GCGR: variants seen among roughly 807,000 people sequenced by gnomAD.
GCGR encodes the protein glucagon receptor.
A neutral mutation model predicts 56.1 loss-of-function variants in GCGR; 41 were observed. That is an observed-to-expected ratio of 0.73 (90% CI 0.57 to 0.95). The LOEUF is 0.95. Among genes scored for constraint, GCGR ranks in the 40% least tolerant of loss-of-function variants. GCGR has a pLI of 0.00. For missense variants in GCGR, 595 were observed against 638.2 expected (o/e 0.93, Z 0.73); for synonymous variants, 278 against 271.1 (o/e 1.03, Z -0.25).
Position 81,813,856 on chromosome 17 carries a change from T to C in GCGR, c.*167T>C, listed in dbSNP as rs1209945291. 3.1e-6 allele frequency: 2 copies of C among 641,422 alleles called. No individual in the cohort carries two copies. The highest frequency in any genetic ancestry group is 5.4e-6 in the Non-Finnish European group (2 of 373,410). 39.7% of individuals were successfully genotyped at this position (641,422 alleles called of 1,614,324 possible). A position where few individuals can be genotyped will look rare whatever the true frequency, so the allele number is the denominator to read the frequency against. On this transcript the variant is annotated 3_prime_UTR_variant, in exon 14 of 14. Transcript: ENST00000400723. The surrounding 1 kb of genome is among the most constrained non-coding windows in gnomAD (Gnocchi z 5.3). The stretch of plus-strand genomic sequence containing the variant: ...TCTGCGAGATTGGGCCTCCTCTCCC[T>C]GCACCTGCCTTGTCCCTGGTGCAGA...
rs980081455 is a variant in GCGR at position 81,809,865 on chromosome 17, C to T, written c.144C>T (p.Ser48=). The change falls in exon 3 of 14, where the codon AGC becomes AGT. Residue 48 remains serine, a synonymous_variant. Coordinates refer to ENST00000400723, the MANE Select transcript of GCGR (RefSeq NM_000160.5). ...GTGACCAGTGTCACCACAACCTGAG[C>T]CTGCTGCCCCCTCCCACGGGTGAGC... ...LYGDQCHHNL[S]LLPPPTELVC... 7.2e-5 allele frequency: 111 copies of T among 1,536,296 alleles called. No individual in the cohort carries two copies. Among genetic ancestry groups the T allele is most frequent in the Non-Finnish European group, 9.3e-5 (107 of 1,146,754 alleles).
chr17:81,804,396 C>A lies in GCGR; in HGVS notation c.-178+147C>A. 6.5e-6 allele frequency: 1 copy of A among 152,914 alleles called. No individual in the cohort carries two copies. Among genetic ancestry groups the A allele is most frequent in the South Asian group, 1.8e-4 (1 of 5,472 alleles). 9.5% of individuals were successfully genotyped at this position (152,914 alleles called of 1,614,324 possible). ...CCGGGGTCCGGGCTGGTGCGCTCCT[C>A]AGTCCCGTCAGACACCCCCGTTCCC... On this transcript the variant is annotated intron_variant, in intron 1 of 13. Coordinates refer to ENST00000400723, the MANE Select transcript of GCGR (RefSeq NM_000160.5). This position sits in a 1 kb window ranked among gnomAD's most constrained non-coding sequence, Gnocchi z 8.2.
Position 81,811,069 on chromosome 17 carries a change from C to T in GCGR, c.331C>T (p.Arg111Trp), listed in dbSNP as rs1272192802. ...CGACGGTCAGTGGGTGCGTGGACCCCGGGGGCAGCCTTGGCGTGATGCCTC... is the reference window on the plus strand; with the variant it reads ...CGACGGTCAGTGGGTGCGTGGACCCTGGGGGCAGCCTTGGCGTGATGCCTC... Reference protein sequence around the residue: ...GPDGQWVRGPRGQPWRDASQC... With the variant: ...GPDGQWVRGPWGQPWRDASQC... Residue 111 changes from arginine to tryptophan, a missense_variant, in exon 5 of 14, where the codon CGG becomes TGG. Arg to Trp is a moderately radical substitution (Grantham distance 101). Transcript: ENST00000400723. The surrounding 1 kb of genome is among the most constrained non-coding windows in gnomAD (Gnocchi z 5.8). 13 of 1,536,026 alleles carry T rather than the reference C, an allele frequency of 8.5e-6. No homozygotes were observed. Among genetic ancestry groups the T allele is most frequent in the African/African-American group, 5.5e-5 (4 of 73,026 alleles).
chr17:81,804,369 C>A lies in GCGR; in HGVS notation c.-178+120C>A. 2 of 152,758 alleles carry A rather than the reference C, an allele frequency of 1.3e-5. No homozygotes were observed. The highest frequency in any genetic ancestry group is 3.6e-4 in the South Asian group (2 of 5,534). 9.5% of individuals were successfully genotyped at this position (152,758 alleles called of 1,614,324 possible). ...GGGAGCGGGGAGCCGGCCGGGCGGT[C>A]TCCGGGGTCCGGGCTGGTGCGCTCC... is the stretch of plus-strand genomic sequence containing the variant. On this transcript the variant is annotated intron_variant, in intron 1 of 13. Coordinates refer to ENST00000400723, the MANE Select transcript of GCGR (RefSeq NM_000160.5). The surrounding 1 kb of genome is among the most constrained non-coding windows in gnomAD (Gnocchi z 8.2).
intron 1 of GCGR, among the ~76,000 whole-genome samples, chr17:81,808,253 A>G (rs998114174): frequency 1.3e-5 from 2 of 152,236 alleles, no homozygotes; most frequent in African/African-American, 4.8e-5. Context: ...ACATTGGCTC[A>G]GGTCAGCCTG....
At position 81,812,818 on chromosome 17, in the gene GCGR, C is replaced by T; in HGVS notation, c.1049C>T (p.Ser350Phe). The T allele has an allele frequency of 6.5e-7, 1 of 1,535,760 alleles. No homozygotes were observed. The highest frequency in any genetic ancestry group is 8.7e-7 in the Non-Finnish European group (1 of 1,146,746). ...HTDYKFRLAK[S>F]TLTLIPLLGV... ...CGCTGCCTCTGCAGGCTGGCCAAGT[C>T]CACGCTGACCCTCATCCCTCTGCTG... Residue 350 changes from serine (S) to phenylalanine (F), a missense_variant, in exon 12 of 14, where the codon TCC becomes TTC. Coordinates refer to ENST00000400723, the MANE Select transcript of GCGR (RefSeq NM_000160.5). This position sits in a 1 kb window ranked among gnomAD's most constrained non-coding sequence, Gnocchi z 8.5.
Position 81,812,568 on chromosome 17 carries a change from C to G in GCGR, c.949-9C>G, listed in dbSNP as rs2143142175. The stretch of plus-strand genomic sequence containing the variant: ...CGGGATGCCCCTGACTCGCACCCTT[C>G]TCACACAGATCAACTTCTTCATCTT... On this transcript the variant is annotated splice_polypyrimidine_tract_variant and intron_variant, in intron 10 of 13. Transcript: ENST00000400723. This position sits in a 1 kb window ranked among gnomAD's most constrained non-coding sequence, Gnocchi z 8.5. 6.5e-7 allele frequency: 1 copy of G among 1,536,232 alleles called. No homozygotes were observed. Among genetic ancestry groups the G allele is most frequent in the East Asian group, 2.4e-5 (1 of 40,884 alleles).
Position 81,811,415 on chromosome 17 carries a change from G to T in GCGR, c.512G>T (p.Cys171Phe). The T allele has an allele frequency of 6.5e-7, 1 of 1,536,420 alleles. No homozygotes were observed. The change falls in exon 7 of 14, where the codon TGC (cysteine) becomes TTC (phenylalanine). Residue 171 changes from cysteine (C) to phenylalanine (F), a missense_variant. Coordinates refer to ENST00000400723, the MANE Select transcript of GCGR (RefSeq NM_000160.5). The surrounding 1 kb of genome is among the most constrained non-coding windows in gnomAD (Gnocchi z 5.8). ...GGCTGTGCCCACAGCAAGCTGCACT[G>T]CACCCGCAATGCCATCCACGCGAAT... ...AILGGLSKLHCTRNAIHANLF... is the reference protein window; with the variant it reads ...AILGGLSKLHFTRNAIHANLF...
rs1033732804 is a variant in GCGR, at chr17:81,806,576, C to G, written c.-177-2266C>G. Among the ~76,000 whole-genome samples, 3 of 152,306 alleles carry G rather than the reference C, an allele frequency of 2.0e-5. No homozygotes were observed. The highest frequency in any genetic ancestry group is 2.0e-4 in the Admixed American group (3 of 15,308). On this transcript the variant is annotated intron_variant, in intron 1 of 13. Coordinates refer to ENST00000400723, the MANE Select transcript of GCGR (RefSeq NM_000160.5). The surrounding 1 kb of genome is among the most constrained non-coding windows in gnomAD (Gnocchi z 6.5). Reference sequence around the variant, plus strand: ...CTGGCTGCCCGGCTGGAAGGTGGGGCCCTGGCACGCGAGGACCTCATGTGT... The same window carrying G: ...CTGGCTGCCCGGCTGGAAGGTGGGGGCCTGGCACGCGAGGACCTCATGTGT...
intron 1 of GCGR, among the ~76,000 whole-genome samples, chr17:81,805,504 G>A (rs1304156871): frequency 2.0e-5 from 3 of 151,446 alleles, no homozygotes; most frequent in African/African-American, 7.3e-5. Flanking sequence ...CCCCCCCATT[G>A]GGCACCTCGG....
intron 1 of GCGR, among the ~76,000 whole-genome samples, chr17:81,805,763 A>T (rs1295787658): frequency 6.6e-6 from 1 of 152,086 alleles, no homozygotes; most frequent in Admixed American, 6.5e-5. Flanking sequence ...GAGCTTGGTC[A>T]CCTGGACTGT....
At position 81,813,249 on chromosome 17, in the gene GCGR, C is replaced by T. The variant is rs2038140852; in HGVS notation, c.1218+192C>T. ...GTGTCAGGCCCCCAGGACAGGTTGGCCTCAGCCCCATCGCTACGGTGTCCA... is the reference window on the plus strand; with the variant it reads ...GTGTCAGGCCCCCAGGACAGGTTGGTCTCAGCCCCATCGCTACGGTGTCCA... On this transcript the variant is annotated intron_variant, in intron 13 of 13. Transcript: ENST00000400723. This position sits in a 1 kb window ranked among gnomAD's most constrained non-coding sequence, Gnocchi z 5.3. Among the ~76,000 whole-genome samples the T allele has an allele frequency of 6.6e-6, 1 of 152,178 alleles. No homozygotes were observed. The highest frequency in any genetic ancestry group is 6.5e-5 in the Admixed American group (1 of 15,284).
chr17:81,808,898 C>T lies in GCGR; in HGVS notation c.-121C>T. On this transcript the variant is annotated 5_prime_UTR_variant, in exon 2 of 14. Coordinates refer to ENST00000400723, the MANE Select transcript of GCGR (RefSeq NM_000160.5). ...GAGGACACCCCACTGGCCAGGACGCCCCAGGCTCTGCTGCTCTGCCACTCA... is the reference window on the plus strand; with the variant it reads ...GAGGACACCCCACTGGCCAGGACGCTCCAGGCTCTGCTGCTCTGCCACTCA... 7.9e-7 allele frequency: 1 copy of T among 1,269,548 alleles called. No individual in the cohort carries two copies. The highest frequency in any genetic ancestry group is 2.5e-5 in the East Asian group (1 of 39,700). The allele number at this position is 1,269,548 out of a possible 1,614,324, so 78.6% of individuals were successfully genotyped here.
rs2038092209 is a variant in GCGR at position 81,811,312 on chromosome 17, A to G, written c.484A>G (p.Ile162Val). 6.5e-7 allele frequency: 1 copy of G among 1,535,200 alleles called. No individual in the cohort carries two copies. Among genetic ancestry groups the G allele is most frequent in the African/African-American group, 1.4e-5 (1 of 73,152 alleles). The change falls in exon 6 of 14, where the codon ATC becomes GTC. Residue 162 changes from isoleucine (I) to valine (V), a missense_variant. By Grantham distance (29) the Ile-to-Val change is conservative. Coordinates refer to ENST00000400723, the MANE Select transcript of GCGR (RefSeq NM_000160.5). This position sits in a 1 kb window ranked among gnomAD's most constrained non-coding sequence, Gnocchi z 5.8. The part of the protein sequence containing the change: ...SLGALLLALA[I>V]LGGLSKLHCT... ...GGGGGCCCTGCTCCTCGCCTTGGCCATCCTGGGGGGCCTCAGGTAGGATTC... is the reference window on the plus strand; with the variant it reads ...GGGGGCCCTGCTCCTCGCCTTGGCCGTCCTGGGGGGCCTCAGGTAGGATTC...
intron 1 of GCGR, chr17:81,805,007 C>G (rs1247512105): frequency 6.5e-6 from 1 of 152,672 alleles, no homozygotes; most frequent in Non-Finnish European, 1.5e-5. Context: ...CCTGCCCCGC[C>G]CCCACGGGGT....
Position 81,810,816 on chromosome 17 carries a change from A to T in GCGR, c.164-9A>T. 6.5e-7 allele frequency: 1 copy of T among 1,536,400 alleles called. No homozygotes were observed. Among genetic ancestry groups the T allele is most frequent in the Non-Finnish European group, 8.7e-7 (1 of 1,146,642 alleles). On this transcript the variant is annotated splice_polypyrimidine_tract_variant and intron_variant, in intron 3 of 13. Transcript: ENST00000400723. This position sits in a 1 kb window ranked among gnomAD's most constrained non-coding sequence, Gnocchi z 4.6. ...GCCCTGCTCTGCCCTGCCCTACCCTACCCTGCAGAGCTGGTGTGCAACAGA... is the reference window on the plus strand; with the variant it reads ...GCCCTGCTCTGCCCTGCCCTACCCTTCCCTGCAGAGCTGGTGTGCAACAGA...
Position 81,811,159 on chromosome 17 carries a change from G to T in GCGR, c.393+28G>T. ...CAGTGGGCGGCAGGCAGGCGCGGTGGGGCTGGATGGGAACGGGCATGGGGG... is the reference window on the plus strand; with the variant it reads ...CAGTGGGCGGCAGGCAGGCGCGGTGTGGCTGGATGGGAACGGGCATGGGGG... On this transcript the variant is annotated intron_variant, in intron 5 of 13. Coordinates refer to ENST00000400723, the MANE Select transcript of GCGR (RefSeq NM_000160.5). This position sits in a 1 kb window ranked among gnomAD's most constrained non-coding sequence, Gnocchi z 5.8. 1 of 1,536,106 alleles carries T rather than the reference G, an allele frequency of 6.5e-7. No homozygotes were observed.
In GCGR at chr17:81,810,092, C is replaced by T. The variant is rs781270743; in HGVS notation, c.163+208C>T. ...GGGGACTTGCCTCAGGCCGCAGAGC[C>T]AGGAAATAACAGAACGGTGGCATTG... On this transcript the variant is annotated intron_variant, in intron 3 of 13. Coordinates refer to ENST00000400723, the MANE Select transcript of GCGR (RefSeq NM_000160.5). The surrounding 1 kb of genome is among the most constrained non-coding windows in gnomAD (Gnocchi z 4.6). 18 of 629,468 alleles carry T rather than the reference C, an allele frequency of 2.9e-5. No homozygotes were observed. The highest frequency in any genetic ancestry group is 4.9e-5 in the Non-Finnish European group (17 of 344,616). The allele number at this position is 629,468 out of a possible 1,614,324, so 39.0% of individuals were successfully genotyped here.
Position 81,810,873 on chromosome 17 carries a change from C to G in GCGR, c.212C>G (p.Thr71Ser). ...TFDKYSCWPD[T>S]PANTTANISC... The stretch of plus-strand genomic sequence containing the variant: ...GACAAGTATTCCTGCTGGCCGGACA[C>G]CCCCGCCAATACCACGGCCAACATC... Residue 71 changes from threonine (T) to serine (S), a missense_variant, in exon 4 of 14, where the codon ACC (threonine) becomes AGC (serine). By Grantham distance (58) the Thr-to-Ser change is moderately conservative. Transcript: ENST00000400723. The surrounding 1 kb of genome is among the most constrained non-coding windows in gnomAD (Gnocchi z 4.6). The G allele has an allele frequency of 6.5e-7, 1 of 1,536,730 alleles. No individual in the cohort carries two copies. The highest frequency in any genetic ancestry group is 2.4e-5 in the East Asian group (1 of 40,916).
Sources: allele counts gnomAD v4.1 joint callset (sites outside exome capture counted in the v4.1 genomes callset), GRCh38; gene constraint gnomAD v4.1.1; non-coding constraint Gnocchi (gnomAD v3.1); transcripts MANE v1.5; gene names NCBI Gene and HGNC (gene_info 2026-07-23, HGNC 2026-07-21).